The following NECAB2 variants were observed in gnomAD, a reference collection of about 807,000 sequenced individuals.
NECAB2 encodes the protein N-terminal EF-hand calcium binding protein 2.
A neutral mutation model predicts 51.9 loss-of-function variants in NECAB2; 68 were observed. The ratio of observed to expected loss-of-function variants is 1.31; its 90% confidence interval spans 1.08 to 1.60. The LOEUF (loss-of-function observed/expected upper bound fraction) is 1.60, where lower values mean the gene tolerates loss of function less well. NECAB2 is among the 40% of genes most tolerant of loss of function. The pLI is 0.00. For synonymous variants in NECAB2, 329 were observed against 203.5 expected (o/e 1.62, Z -5.25); for missense variants, 854 against 490.3 (o/e 1.74, Z -7.00).
intron 5 of NECAB2, among the ~76,000 whole-genome samples, chr16:83,981,479 C>T (rs1270957090): frequency 6.8e-5 from 5 of 73,418 alleles, no homozygotes; most frequent in Non-Finnish European, 1.0e-4. Flanking sequence ...CGGGGTGGGG[C>T]GTGGTGGGGG....
chr16:84,002,050 A>C (rs2084847533), intron 12 of NECAB2, 134 bp downstream of exon 12: 1 of 1,135,942 alleles, frequency 8.8e-7, no homozygotes, highest in African/African-American at 1.6e-5. Flanking sequence ...CACCAATGCC[A>C]GGCTCAGAGC....
chr16:83,988,498 T>C (rs971449472), intron 5 of NECAB2, among the ~76,000 whole-genome samples: 2 of 152,224 alleles, frequency 1.3e-5, no homozygotes, highest in African/African-American at 4.8e-5. Flanking sequence ...CTAAATCCAA[T>C]ATAGTTGAAA....
At position 83,973,729 on chromosome 16, in the gene NECAB2, A is replaced by C. The variant is rs1597195556; in HGVS notation, c.226+1554A>C. Among the ~76,000 whole-genome samples the C allele has an allele frequency of 3.3e-5, 5 of 151,790 alleles. 1 individual carries two copies. The South Asian group carries it at 1.0e-3, about 31-fold the overall frequency. ...CCTTGTCCCGGGCCTGATACCCAGC[A>C]CACAGTAGGTCCTCGGTAAATGTCT... On this transcript the variant is annotated intron_variant, in intron 2 of 12. Transcript: ENST00000305202.
At chr16:83,987,747 C>A (rs1255718185) in intron 5 of NECAB2, among the ~76,000 whole-genome samples, 1 of 151,970 alleles carries the variant, frequency 6.6e-6, no homozygotes, top group Non-Finnish European at 1.5e-5. Context: ...ATAGTTAATA[C>A]CTTGTGGCAA....
intron 5 of NECAB2, among the ~76,000 whole-genome samples, chr16:83,983,766 G>T (rs867537839): frequency 1.3e-5 from 2 of 152,120 alleles, no homozygotes; most frequent in South Asian, 2.1e-4. Context: ...GTGGAGATCG[G>T]ATGATAGCTT....
chr16:83,987,565 A>G (rs969279912), intron 5 of NECAB2, among the ~76,000 whole-genome samples: 2 of 152,136 alleles, frequency 1.3e-5, no homozygotes, highest in Non-Finnish European at 2.9e-5. Context: ...TCTTAAATTT[A>G]TAATCTGTGT....
chr16:83,994,289 A>T lies in NECAB2; in HGVS notation c.597-13A>T, dbSNP rs1266540783. The T allele has an allele frequency of 6.2e-7, 1 of 1,613,814 alleles. No individual in the cohort carries two copies. The highest frequency in any genetic ancestry group is 1.7e-5 in the Admixed American group (1 of 60,032). Reference sequence around the variant, plus strand: ...ACCGCCATGGTCTGTGTGTGTTCCCATCCAAACTGCAGACAGAACCACATC... The same window carrying T: ...ACCGCCATGGTCTGTGTGTGTTCCCTTCCAAACTGCAGACAGAACCACATC... On this transcript the variant is annotated splice_polypyrimidine_tract_variant and intron_variant, in intron 6 of 12. Transcript: ENST00000305202.
chr16:83,999,359 A>G (rs945408216), intron 10 of NECAB2, among the ~76,000 whole-genome samples: 4 of 152,176 alleles, frequency 2.6e-5, no homozygotes, highest in African/African-American at 9.7e-5. Flanking sequence ...AATAAGTGGG[A>G]GGCTCCAGGG....
At chr16:83,979,500 A>T (rs2151088444) in intron 3 of NECAB2, among the ~76,000 whole-genome samples, 1 of 152,308 alleles carries the variant, frequency 6.6e-6, no homozygotes, top group South Asian at 2.1e-4. Flanking sequence ...ATCCTCTGGG[A>T]AAGGCCACTT....
intron 5 of NECAB2, among the ~76,000 whole-genome samples, chr16:83,981,997 C>A (rs1253336503): frequency 1.3e-5 from 2 of 152,194 alleles, no homozygotes. Flanking sequence ...ATTTCCCTTT[C>A]TGAGCCTCAG....
intron 4 of NECAB2, 21 bp from the exon 5 acceptor site, chr16:83,981,009 C>T (rs751790554): frequency 3.7e-6 from 6 of 1,612,220 alleles, no homozygotes; most frequent in Non-Finnish European, 5.1e-6. Context: ...TGACCCCTGA[C>T]CTTTGCCTTT....
intron 2 of NECAB2, 28 bp downstream of exon 2, chr16:83,972,203 G>T: frequency 6.2e-7 from 1 of 1,613,422 alleles, no homozygotes; most frequent in Non-Finnish European, 8.5e-7. Flanking sequence ...GCCGACGGCC[G>T]CCCCACTCCT....
intron 5 of NECAB2, among the ~76,000 whole-genome samples, chr16:83,982,361 C>T (rs900507931): frequency 7.2e-5 from 11 of 152,130 alleles, no homozygotes; most frequent in African/African-American, 2.2e-4. Context: ...ATTTTAATAC[C>T]ATGTAAGACC....
At chr16:84,002,220 A>T in intron 12 of NECAB2, 98 bp from the exon 13 acceptor site, 6 of 1,468,890 alleles carry the variant, frequency 4.1e-6, no homozygotes, top group Non-Finnish European at 4.8e-6. Context: ...ACAAGGACTC[A>T]AAGCCATCCC....
At position 83,997,243 on chromosome 16, in the gene NECAB2, C is replaced by T. The variant is rs7193267; in HGVS notation, c.823C>T (p.Leu275=). 0.01 allele frequency: 16,352 copies of T among 1,614,172 alleles called. 104 individuals carry two copies. Among genetic ancestry groups the T allele is most frequent in the Non-Finnish European group, 0.012 (14,515 of 1,180,044 alleles). The part of the protein sequence containing the change: ...KALWFDLQQR[L]SDEDGTNMHL... ...ACTGTGGTTCGACCTGCAGCAGCGC[C>T]TGTCAGATGAAGATGGCACCAACAT... The change falls in exon 9 of 13, where the codon CTG becomes TTG. Residue 275 remains leucine, a synonymous_variant. Transcript: ENST00000305202.
chr16:83,998,063 T>G, intron 9 of NECAB2, 142 bp from the exon 10 acceptor site: 1 of 724,398 alleles, frequency 1.4e-6, no homozygotes. Context: ...TAGTCCATTC[T>G]TATCCATTCA....
chr16:83,965,548 G>A, upstream of NECAB2: 2 of 1,612,846 alleles, frequency 1.2e-6, no homozygotes, highest in Non-Finnish European at 1.7e-6. Context: ...CTGGCCTGGT[G>A]TTCAACCAGC....
At chr16:83,997,845 C>T (rs747335941) in intron 9 of NECAB2, among the ~76,000 whole-genome samples, 12 of 152,234 alleles carry the variant, frequency 7.9e-5, no homozygotes, top group Middle Eastern at 3.4e-3. Context: ...GCAAAGTGAT[C>T]AGCCAGACAG....
rs1236826596 is a variant in NECAB2, at chr16:83,997,085, G to A, written c.796-131G>A. 5 of 953,874 alleles carry A rather than the reference G, an allele frequency of 5.2e-6. No individual in the cohort carries two copies. In the East Asian group the frequency reaches 1.3e-4, roughly 24 times the overall value. 59.1% of individuals were successfully genotyped at this position (953,874 alleles called of 1,614,324 possible). On this transcript the variant is annotated intron_variant, in intron 8 of 12. Transcript: ENST00000305202. ...GAGTCTCTGCCACTTCCTAGCGTTG[G>A]TCTCCCAGCCCTGTGCAACAGGGCC...
Sources: allele counts gnomAD v4.1 joint callset (sites outside exome capture counted in the v4.1 genomes callset), GRCh38; gene constraint gnomAD v4.1.1; transcripts MANE v1.5; gene names NCBI Gene and HGNC (gene_info 2026-07-23, HGNC 2026-07-21).